Variants in UNC13B observed in about 807,000 individuals in gnomAD.
UNC13B encodes protein unc-13 homolog B.
A neutral mutation model predicts 211.0 loss-of-function variants in UNC13B; 144 were observed. The observed-to-expected ratio is 0.68, with a 90% CI of 0.60 to 0.78. The LOEUF (loss-of-function observed/expected upper bound fraction) is 0.78. UNC13B is among the 30% of genes least tolerant of loss of function. The pLI is 0.00. For synonymous variants in UNC13B, 709 were observed against 725.8 expected (o/e 0.98, Z 0.37); for missense variants, 1,777 against 2,002.0 (o/e 0.89, Z 2.14).
intron 6 of UNC13B, among the ~76,000 whole-genome samples, chr9:35,244,277 A>T (rs2131560571): frequency 6.6e-6 from 1 of 152,326 alleles, no homozygotes; most frequent in East Asian, 1.9e-4. Flanking sequence ...ACAGTATCAC[A>T]TGTTAAATCA....
At chr9:35,252,553 C>T (rs1263806755) in intron 6 of UNC13B, among the ~76,000 whole-genome samples, 2 of 151,960 alleles carry the variant, frequency 1.3e-5, no homozygotes, top group Non-Finnish European at 2.9e-5. Context: ...GTGATCTGCC[C>T]ACCTCGGCCT....
chr9:35,242,352 A>G (rs918309183), intron 5 of UNC13B, among the ~76,000 whole-genome samples: 2 of 152,156 alleles, frequency 1.3e-5, no homozygotes, highest in African/African-American at 2.4e-5. Flanking sequence ...ACAGTTCACT[A>G]GTGTTAAGTA....
intron 1 of UNC13B, among the ~76,000 whole-genome samples, chr9:35,187,213 C>T (rs1822409047): frequency 6.6e-6 from 1 of 152,186 alleles, no homozygotes; most frequent in African/African-American, 2.4e-5. Context: ...CTTTGGGGAT[C>T]TATGAAGTTT....
intron 1 of UNC13B, among the ~76,000 whole-genome samples, chr9:35,206,681 C>G (rs887912885): frequency 2.0e-5 from 3 of 152,018 alleles, no homozygotes; most frequent in African/African-American, 7.2e-5. Context: ...CGAGACCATC[C>G]TGGCCAACAT....
At chr9:35,289,116 A>T (rs2131766006) in intron 7 of UNC13B, among the ~76,000 whole-genome samples, 1 of 152,210 alleles carries the variant, frequency 6.6e-6, no homozygotes, top group Admixed American at 6.5e-5. Context: ...AGAAGAAGAG[A>T]CATAGGTGGT....
intron 7 of UNC13B, among the ~76,000 whole-genome samples, chr9:35,275,012 T>C (rs894155660): frequency 1.3e-5 from 2 of 152,240 alleles, no homozygotes; most frequent in African/African-American, 4.8e-5. Flanking sequence ...TTGTAGAATG[T>C]ATTGGTTTTC....
intron 1 of UNC13B, among the ~76,000 whole-genome samples, chr9:35,186,971 A>T (rs1822395917): frequency 6.6e-6 from 1 of 152,192 alleles, no homozygotes; most frequent in African/African-American, 2.4e-5. Flanking sequence ...AGACTCAGTG[A>T]TAGTAAAACT....
chr9:35,208,999 A>G (rs1823816053), intron 1 of UNC13B, among the ~76,000 whole-genome samples: 1 of 152,158 alleles, frequency 6.6e-6, no homozygotes, highest in Non-Finnish European at 1.5e-5. Flanking sequence ...GATTAAAATT[A>G]TCTATAATTT....
chr9:35,257,500 G>T (rs1193539256), intron 6 of UNC13B, among the ~76,000 whole-genome samples: 1 of 130,354 alleles, frequency 7.7e-6, no homozygotes, highest in Non-Finnish European at 1.6e-5. Flanking sequence ...AGAATTGTTT[G>T]AACCCAGGAG....
rs767950504 is a variant in UNC13B at position 35,398,566 on chromosome 9, G to A, written c.11845G>A (p.Ala3949Thr). 6.2e-7 allele frequency: 1 copy of A among 1,614,014 alleles called. No individual in the cohort carries two copies. Among genetic ancestry groups the A allele is most frequent in the South Asian group, 1.1e-5 (1 of 91,068 alleles). Reference sequence around the variant, plus strand: ...CCTGTGAATACAGCTGGACCTTGAAGCTGCAGACAGTCTGAAGGAGCTGCA... The same window carrying A: ...CCTGTGAATACAGCTGGACCTTGAAACTGCAGACAGTCTGAAGGAGCTGCA... ...AMGGKELDLE[A>T]ADSLKELQVK... Residue 3949 changes from alanine (A) to threonine (T), a missense_variant, in exon 32 of 40, where the codon GCT becomes ACT. By Grantham distance (58) the Ala-to-Thr change is moderately conservative (BLOSUM62 0). Transcript: ENST00000635942.
chr9:35,362,364 T>C (rs562472903), intron 11 of UNC13B, among the ~76,000 whole-genome samples: 214 of 152,306 alleles, frequency 1.4e-3, no homozygotes, highest in Middle Eastern at 3.4e-3. Context: ...GCATGCGATA[T>C]CTAGGTGATA....
At chr9:35,368,490 T>C (rs1223468378) in intron 12 of UNC13B, among the ~76,000 whole-genome samples, 1 of 152,240 alleles carries the variant, frequency 6.6e-6, no homozygotes, top group Non-Finnish European at 1.5e-5. Flanking sequence ...TCCATGTCTT[T>C]GCTATTGTGA....
chr9:35,287,455 T>C (rs1828863482), intron 7 of UNC13B, among the ~76,000 whole-genome samples: 1 of 152,184 alleles, frequency 6.6e-6, no homozygotes, highest in Admixed American at 6.5e-5. Context: ...TCGCTAACAA[T>C]GTACAAGAGT....
chr9:35,301,911 T>C lies in UNC13B; in HGVS notation c.2507T>C (p.Ile836Thr). ...GAAAGTTTGTCAGAACCTGTGAAAA[T>C]TCGCCAGGTGGAGGAAGATGGTTTA... ...SKESLSEPVKIRQVEEDGLER... is the reference protein window; with the variant it reads ...SKESLSEPVKTRQVEEDGLER... The change falls in exon 9 of 40, where the codon ATT becomes ACT. Residue 836 changes from isoleucine to threonine, a missense_variant. Coordinates refer to ENST00000635942, the MANE Select transcript of UNC13B (RefSeq NM_001371189.2). The C allele has an allele frequency of 2.5e-6, 1 of 398,816 alleles. No individual in the cohort carries two copies. The highest frequency in any genetic ancestry group is 4.4e-6 in the Non-Finnish European group (1 of 225,876). The allele number at this position is 398,816 out of a possible 1,614,324, so 24.7% of individuals were successfully genotyped here.
chr9:35,236,671 C>A, intron 4 of UNC13B, 85 bp downstream of exon 4: 2 of 1,205,186 alleles, frequency 1.7e-6, no homozygotes, highest in Non-Finnish European at 2.4e-6. Flanking sequence ...TAATATTCAT[C>A]CATGCATCTT....
chr9:35,269,120 A>G (rs1158673713), intron 7 of UNC13B, among the ~76,000 whole-genome samples: 1 of 152,174 alleles, frequency 6.6e-6, no homozygotes, highest in Non-Finnish European at 1.5e-5. Context: ...GTCCCACAAG[A>G]CTGCCTCCCA....
At chr9:35,252,301 T>C (rs970236107) in intron 6 of UNC13B, among the ~76,000 whole-genome samples, 15 of 90,178 alleles carry the variant, frequency 1.7e-4, no homozygotes, top group Non-Finnish European at 3.3e-4. Context: ...ACTATTTTAT[T>C]AGAGTCTGAA....
At chr9:35,232,054 GAA>G (rs767442696) in intron 3 of UNC13B, among the ~76,000 whole-genome samples, 96 of 151,754 alleles carry the variant, frequency 6.3e-4, no homozygotes, top group Non-Finnish European at 1.2e-3. Flanking sequence ...AATTTGCTGT[GAA>G]ATTTGAAACT....
intron 6 of UNC13B, among the ~76,000 whole-genome samples, chr9:35,245,553 A>G (rs375729317): frequency 7.7e-6 from 1 of 130,018 alleles, no homozygotes; most frequent in Non-Finnish European, 1.6e-5. Flanking sequence ...CCTGTGTCCA[A>G]GTGTTCTCAT....
Sources: allele counts gnomAD v4.1 joint callset (sites outside exome capture counted in the v4.1 genomes callset), GRCh38; gene constraint gnomAD v4.1.1; transcripts MANE v1.5; gene names NCBI Gene and HGNC (gene_info 2026-07-23, HGNC 2026-07-21).